The following SPAG17 variants were observed in gnomAD, a reference collection of about 807,000 sequenced individuals.
SPAG17 encodes the protein sperm-associated antigen 17.
A neutral mutation model predicts 273.6 loss-of-function variants in SPAG17; 169 were observed. The ratio of observed to expected loss-of-function variants is 0.62; its 90% CI spans 0.55 to 0.70. The LOEUF is 0.70. Among genes scored for constraint, SPAG17 ranks in the 30% least tolerant of loss-of-function variants. SPAG17 has a pLI of 0.00. For missense variants in SPAG17, 2,557 were observed against 2,627.8 expected, an observed-to-expected ratio of 0.97 and a Z score of 0.59; for synonymous variants, 825 against 873.2, an observed-to-expected ratio of 0.94 and a Z score of 0.97.
chr1:118,058,683 C>A (rs906759041), intron 18 of SPAG17, among the ~76,000 whole-genome samples: 1 of 152,158 alleles, frequency 6.6e-6, no homozygotes, highest in Non-Finnish European at 1.5e-5. Context: ...GAAAAGTAAT[C>A]CTCTTCTTAG....
chr1:118,046,616 A>G (rs559154325), intron 20 of SPAG17, among the ~76,000 whole-genome samples: 12 of 152,268 alleles, frequency 7.9e-5, no homozygotes, highest in Non-Finnish European at 4.4e-5. Flanking sequence ...AACTTTTCCT[A>G]TAAAGGGCCA....
rs149949450 is a variant in SPAG17 at position 118,001,813 on chromosome 1, G to A, written c.4776+3601C>T. ...GATTTTTTGAAGGGTTTTTTGTGTCGCTATCTCTTTCAGTTCTGCTCTGAT... is the reference window on the plus strand; with the variant it reads ...GATTTTTTGAAGGGTTTTTTGTGTCACTATCTCTTTCAGTTCTGCTCTGAT... On this transcript the variant is annotated intron_variant, in intron 32 of 48. Coordinates refer to ENST00000336338, the MANE Select transcript of SPAG17 (RefSeq NM_206996.4). Among the ~76,000 whole-genome samples, 1,092 of 151,970 alleles carry A rather than the reference G, an allele frequency of 7.2e-3. 10 individuals are homozygous for A. Among genetic ancestry groups the A allele is most frequent in the African/African-American group, 0.025 (1,022 of 41,486 alleles).
intron 28 of SPAG17, 43 bp from the exon 29 acceptor site, chr1:118,016,225 AG>A: frequency 3.4e-6 from 5 of 1,450,432 alleles, no homozygotes; most frequent in South Asian, 1.2e-5. Flanking sequence ...ATATAACTAT[AG>A]TATCAATTAT....
At chr1:117,967,781 AAG>A (rs1392740958) in intron 46 of SPAG17, among the ~76,000 whole-genome samples, 15 of 152,212 alleles carry the variant, frequency 9.9e-5, no homozygotes, top group African/African-American at 3.4e-4. Flanking sequence ...CTAGCCAGCA[AAG>A]AGAGAGCTAT....
chr1:118,041,398 A>G (rs761647100), intron 21 of SPAG17, among the ~76,000 whole-genome samples: 5 of 152,028 alleles, frequency 3.3e-5, no homozygotes, highest in Non-Finnish European at 5.9e-5. Flanking sequence ...GGCAAAGGGA[A>G]GGTTTTACAA....
At chr1:117,981,745 A>C (rs999147030) in intron 42 of SPAG17, among the ~76,000 whole-genome samples, 3 of 152,224 alleles carry the variant, frequency 2.0e-5, no homozygotes, top group Admixed American at 6.5e-5. Context: ...TTACCTGGTA[A>C]CGGCAACTGA....
chr1:118,149,443 C>T (rs1191672434), intron 3 of SPAG17, among the ~76,000 whole-genome samples: 2 of 152,104 alleles, frequency 1.3e-5, no homozygotes, highest in Admixed American at 6.5e-5. Context: ...TAGCCACTCA[C>T]AAGAAAAATT....
At position 118,041,790 on chromosome 1, in the gene SPAG17, A is replaced by G. The variant is rs775311213; in HGVS notation, c.3054+13T>C. ...AGCCCAAAGAGACTAAGTTTTACAG[A>G]ATTGGAGTTTACCGGGTAAGTTATC... On this transcript the variant is annotated intron_variant, in intron 21 of 48. Transcript: ENST00000336338. The G allele has an allele frequency of 6.2e-7, 1 of 1,604,396 alleles. No individual in the cohort carries two copies.
intron 17 of SPAG17, among the ~76,000 whole-genome samples, chr1:118,071,365 A>G (rs1442908271): frequency 6.6e-6 from 1 of 152,234 alleles, no homozygotes; most frequent in Non-Finnish European, 1.5e-5. Flanking sequence ...AGAAGGTATT[A>G]TATCAGAAAT....
rs138575198 is a variant in SPAG17 at position 118,014,688 on chromosome 1, G to A, written c.4287+1277C>T. 4.4e-3 allele frequency among the ~76,000 whole-genome samples: 675 copies of A among 152,294 alleles called. 6 individuals carry two copies. The highest frequency in any genetic ancestry group is 0.016 in the African/African-American group (651 of 41,570). On this transcript the variant is annotated intron_variant, in intron 29 of 48. Coordinates refer to ENST00000336338, the MANE Select transcript of SPAG17 (RefSeq NM_206996.4). Reference sequence around the variant, plus strand: ...ATTTTGCTTTTTACAGCAGCACATGGTTTTAAACAAGGGTAGGAAGTTCAC... The same window carrying A: ...ATTTTGCTTTTTACAGCAGCACATGATTTTAAACAAGGGTAGGAAGTTCAC...
intron 18 of SPAG17, among the ~76,000 whole-genome samples, chr1:118,063,829 C>A (rs1381988217): frequency 2.6e-5 from 4 of 152,108 alleles, no homozygotes; most frequent in Admixed American, 1.3e-4. Context: ...TTTTTGCAAT[C>A]TACTCATCTG....
intron 26 of SPAG17, 104 bp from the exon 27 acceptor site, chr1:118,025,520 A>G (rs986600439): frequency 1.1e-6 from 1 of 940,738 alleles, no homozygotes; most frequent in African/African-American, 1.7e-5. Flanking sequence ...CTTTATTTTA[A>G]AAATAGAGAC....
chr1:118,152,659 G>A (rs1442755586), intron 1 of SPAG17, among the ~76,000 whole-genome samples: 1 of 152,100 alleles, frequency 6.6e-6, no homozygotes, highest in Non-Finnish European at 1.5e-5. Context: ...GTGTGTGCAT[G>A]CATGCATGCA....
intron 38 of SPAG17, among the ~76,000 whole-genome samples, chr1:117,988,814 T>C (rs1323575291): frequency 6.6e-6 from 1 of 152,220 alleles, no homozygotes; most frequent in Non-Finnish European, 1.5e-5. Context: ...TAAGACAATA[T>C]GAAGCATTAT....
At chr1:118,165,642 TTTC>T (rs1248150509) in intron 1 of SPAG17, among the ~76,000 whole-genome samples, 13 of 102,368 alleles carry the variant, frequency 1.3e-4, no homozygotes, top group Admixed American at 4.9e-4. Context: ...AAAAAAAAAC[TTTC>T]TTTTTTTTTT....
chr1:118,163,541 CT>C (rs772258602), intron 1 of SPAG17, among the ~76,000 whole-genome samples: 986 of 140,672 alleles, frequency 7.0e-3, no homozygotes, highest in Middle Eastern at 0.011. Flanking sequence ...TTCCTTCTTC[CT>C]TTTTTTTTTT....
At chr1:118,006,174 C>A (rs1025037124) in intron 31 of SPAG17, among the ~76,000 whole-genome samples, 1 of 152,106 alleles carries the variant, frequency 6.6e-6, no homozygotes, top group Non-Finnish European at 1.5e-5. Context: ...TTAGTATATT[C>A]AAAAATGTGT....
At position 117,959,012 on chromosome 1, in the gene SPAG17, C is replaced by T. The variant is rs1652642635; in HGVS notation, c.*4787G>A. On this transcript the variant is annotated intron_variant, in intron 48 of 48. Coordinates refer to ENST00000336338, the MANE Select transcript of SPAG17 (RefSeq NM_206996.4). ...AAGTCAGCCAAGTCCGGGTAAGTGTCTTTGTATAGAGATAAAATAATGAGG... is the reference window on the plus strand; with the variant it reads ...AAGTCAGCCAAGTCCGGGTAAGTGTTTTTGTATAGAGATAAAATAATGAGG... 3.1e-6 allele frequency: 5 copies of T among 1,612,372 alleles called. No homozygotes were observed. In the East Asian group the frequency reaches 1.1e-4, roughly 36 times the overall value.
At position 118,074,073 on chromosome 1, in the gene SPAG17, A is replaced by T; in HGVS notation, c.2272-106T>A. The T allele has an allele frequency of 4.2e-6, 3 of 707,948 alleles. No individual in the cohort carries two copies. In the South Asian group the frequency reaches 6.2e-5, roughly 15 times the overall value. 43.9% of individuals were successfully genotyped at this position (707,948 alleles called of 1,614,324 possible). On this transcript the variant is annotated intron_variant, in intron 16 of 48. Transcript: ENST00000336338. ...AGTATGTACTCCATCTAATTGGGGA[A>T]ATCTGCATATGTATAAATCCATATG...
Sources: allele counts gnomAD v4.1 joint callset (sites outside exome capture counted in the v4.1 genomes callset), GRCh38; gene constraint gnomAD v4.1.1; transcripts MANE v1.5; gene names NCBI Gene and HGNC (gene_info 2026-07-23, HGNC 2026-07-21).